NRCAM: variants seen among roughly 807,000 people sequenced by gnomAD.
NRCAM encodes neuronal cell adhesion molecule.
NRCAM carries 83 observed loss-of-function variants against 156.5 expected under a neutral mutation model. The ratio of observed to expected loss-of-function variants is 0.53; its 90% confidence interval spans 0.44 to 0.64. The LOEUF (loss-of-function observed/expected upper bound fraction) is 0.64. Among genes scored for constraint, NRCAM ranks in the 30% least tolerant of loss-of-function variants. NRCAM has a pLI of 0.00. For missense variants in NRCAM, 1,417 were observed against 1,597.3 expected, an observed-to-expected ratio of 0.89 and a Z score of 1.92; for synonymous variants, 538 against 563.9, an observed-to-expected ratio of 0.95 and a Z score of 0.65.
At chr7:108,274,495 G>A (rs1375619395) in intron 3 of NRCAM, among the ~76,000 whole-genome samples, 1 of 152,094 alleles carries the variant, frequency 6.6e-6, no homozygotes. Flanking sequence ...TATTCTCTTT[G>A]TAGTAATTGT....
chr7:108,340,618 A>G (rs539643275), intron 2 of NRCAM, among the ~76,000 whole-genome samples: 12 of 152,182 alleles, frequency 7.9e-5, no homozygotes, highest in Non-Finnish European at 1.5e-4. Flanking sequence ...CACAGAATCA[A>G]AACACGGAGA....
At chr7:108,163,020 C>T (rs1041543284) in intron 30 of NRCAM, among the ~76,000 whole-genome samples, 3 of 152,052 alleles carry the variant, frequency 2.0e-5, no homozygotes, top group South Asian at 2.1e-4. Flanking sequence ...CACACACATG[C>T]GCATACACAC....
chr7:108,286,441 A>T (rs1342887457), intron 3 of NRCAM, among the ~76,000 whole-genome samples: 2 of 152,194 alleles, frequency 1.3e-5, no homozygotes, highest in Non-Finnish European at 2.9e-5. Flanking sequence ...AAATAAAAAT[A>T]AAAAGGCGAA....
At chr7:108,428,106 T>A (rs971945410) in intron 1 of NRCAM, among the ~76,000 whole-genome samples, 4 of 152,158 alleles carry the variant, frequency 2.6e-5, no homozygotes, top group African/African-American at 9.7e-5. Context: ...GAGAAACGTT[T>A]TAGAACTTCA....
At chr7:108,156,214 T>C in intron 32 of NRCAM, 1 of 756,380 alleles carries the variant, frequency 1.3e-6, no homozygotes, top group Non-Finnish European at 1.6e-6. Flanking sequence ...CTTATGAGCA[T>C]GGGTTAGCAT....
intron 1 of NRCAM, among the ~76,000 whole-genome samples, chr7:108,430,732 C>A (rs78298848): frequency 4.4e-4 from 67 of 152,256 alleles, no homozygotes; most frequent in Non-Finnish European, 7.5e-4. Flanking sequence ...GCCTAAGATG[C>A]CCTTTTACCT....
At chr7:108,232,178 A>G (rs2094422823) in intron 7 of NRCAM, 148 bp downstream of exon 7, 1 of 585,944 alleles carries the variant, frequency 1.7e-6, no homozygotes, top group South Asian at 2.6e-5. Context: ...TAAGGTGGAA[A>G]GGAGCAATAA....
intron 1 of NRCAM, among the ~76,000 whole-genome samples, chr7:108,436,612 A>T (rs1412852041): frequency 7.2e-5 from 11 of 152,176 alleles, no homozygotes; most frequent in Non-Finnish European, 1.0e-4. Context: ...CATTTAAAAA[A>T]TTTTTTCATA....
intron 20 of NRCAM, among the ~76,000 whole-genome samples, chr7:108,188,070 C>T (rs990595991): frequency 6.6e-6 from 1 of 152,152 alleles, no homozygotes; most frequent in Non-Finnish European, 1.5e-5. Context: ...GCTGGTCTGA[C>T]ATCTGTAACA....
chr7:108,250,339 T>C (rs1181403353), intron 3 of NRCAM, among the ~76,000 whole-genome samples: 2 of 142,972 alleles, frequency 1.4e-5, no homozygotes, highest in Admixed American at 1.5e-4. Flanking sequence ...GGTGGGAAGA[T>C]GGCTTGAGCC....
chr7:108,212,030 G>T (rs2084833316), intron 11 of NRCAM, among the ~76,000 whole-genome samples: 1 of 152,158 alleles, frequency 6.6e-6, no homozygotes, highest in Non-Finnish European at 1.5e-5. Context: ...AACAGGTGCT[G>T]GTATCTATGG....
intron 5 of NRCAM, among the ~76,000 whole-genome samples, chr7:108,235,070 A>G (rs569627365): frequency 9.8e-5 from 15 of 152,316 alleles, no homozygotes; most frequent in South Asian, 8.3e-4. Flanking sequence ...ATAAATTTGC[A>G]TCTTTCTTAA....
At chr7:108,291,098 G>A (rs2098275579) in intron 3 of NRCAM, among the ~76,000 whole-genome samples, 1 of 152,136 alleles carries the variant, frequency 6.6e-6, no homozygotes, top group African/African-American at 2.4e-5. Flanking sequence ...GTCGTTGACA[G>A]ATAAAATATA....
At chr7:108,362,895 C>T (rs1563442782) in intron 2 of NRCAM, among the ~76,000 whole-genome samples, 1 of 152,034 alleles carries the variant, frequency 6.6e-6, no homozygotes, top group African/African-American at 2.4e-5. Flanking sequence ...TGGTTTCTAA[C>T]ACCATTTACC....
intron 2 of NRCAM, among the ~76,000 whole-genome samples, chr7:108,325,436 G>T (rs1324449317): frequency 6.6e-6 from 1 of 151,384 alleles, no homozygotes; most frequent in Non-Finnish European, 1.5e-5. Context: ...ATTTAGAAAA[G>T]ATTTTTTTTT....
chr7:108,149,271 A>T lies in NRCAM; in HGVS notation c.*639T>A, dbSNP rs1346486772. On this transcript the variant is annotated 3_prime_UTR_variant, in exon 33 of 33. Coordinates refer to ENST00000379028, the MANE Select transcript of NRCAM (RefSeq NM_001037132.4). Reference sequence around the variant, plus strand: ...CTGCTGTAATGCCTGGAAGATTAAGAAGCCTACGGAGTAACAGGAGCCAAG... The same window carrying T: ...CTGCTGTAATGCCTGGAAGATTAAGTAGCCTACGGAGTAACAGGAGCCAAG... 6.5e-6 allele frequency: 1 copy of T among 152,726 alleles called. No individual in the cohort carries two copies. The highest frequency in any genetic ancestry group is 1.5e-5 in the Non-Finnish European group (1 of 68,098). 9.5% of individuals were successfully genotyped at this position (152,726 alleles called of 1,614,324 possible).
intron 2 of NRCAM, among the ~76,000 whole-genome samples, chr7:108,383,928 G>A (rs1235331707): frequency 6.6e-6 from 1 of 152,170 alleles, no homozygotes; most frequent in African/African-American, 2.4e-5. Flanking sequence ...TCAGGGCTTT[G>A]AAGTGGTGCA....
intron 3 of NRCAM, among the ~76,000 whole-genome samples, chr7:108,263,113 C>T (rs1474135121): frequency 6.6e-6 from 1 of 152,220 alleles, no homozygotes; most frequent in African/African-American, 2.4e-5. Context: ...GTGAGTGTCT[C>T]ATCCCTACGG....
At chr7:108,268,457 C>G (rs2097189741) in intron 3 of NRCAM, among the ~76,000 whole-genome samples, 1 of 152,098 alleles carries the variant, frequency 6.6e-6, no homozygotes, top group Admixed American at 6.5e-5. Context: ...ACAGACACCT[C>G]AACTGTGCAA....
Sources: allele counts gnomAD v4.1 joint callset (sites outside exome capture counted in the v4.1 genomes callset), GRCh38; gene constraint gnomAD v4.1.1; transcripts MANE v1.5; gene names NCBI Gene and HGNC (gene_info 2026-07-23, HGNC 2026-07-21).